Variants in DNAAF11 observed in about 807,000 individuals in gnomAD.
The protein encoded by DNAAF11 is dynein axonemal assembly factor 11.
A neutral mutation model predicts 60.8 loss-of-function variants in DNAAF11; 45 were observed. That is an observed-to-expected ratio of 0.74 (90% CI 0.58 to 0.95). The LOEUF (loss-of-function observed/expected upper bound fraction) is 0.95. Ranked by LOEUF, DNAAF11 falls within the 40% of genes least tolerant of loss-of-function variation. The pLI is 0.00. For missense variants in DNAAF11, 546 were observed against 546.2 expected (o/e 1.00, Z 0.00); for synonymous variants, 191 against 183.5 (o/e 1.04, Z -0.33).
At chr8:132,619,202 A>T (rs1819505738) in intron 7 of DNAAF11, among the ~76,000 whole-genome samples, 1 of 152,136 alleles carries the variant, frequency 6.6e-6, no homozygotes, top group African/African-American at 2.4e-5. Flanking sequence ...GCAAGAACAA[A>T]AAACCAAACA....
rs762081490 is a variant in DNAAF11, at chr8:132,637,956, T to C, written c.408A>G (p.Val136=). The C allele has an allele frequency of 3.0e-5, 48 of 1,608,974 alleles. No homozygotes were observed. The highest frequency in any genetic ancestry group is 3.8e-5 in the Non-Finnish European group (45 of 1,178,054). ...ATACCTTTAATTGTGGAAGAGTTGC[T>C]ACCACGAACTCCCTATAGTGGTCAA... is the stretch of plus-strand genomic sequence containing the variant. ...ASFDHYREFV[V]ATLPQLKWLD... is the part of the protein sequence containing the mutation. Residue 136 remains valine, a synonymous_variant, in exon 4 of 12, where the codon GTA becomes GTG. Coordinates refer to ENST00000620350, the MANE Select transcript of DNAAF11 (RefSeq NM_012472.6).
intron 7 of DNAAF11, among the ~76,000 whole-genome samples, chr8:132,619,403 C>A (rs1220570724): frequency 6.6e-6 from 1 of 151,906 alleles, no homozygotes; most frequent in Admixed American, 6.6e-5. Flanking sequence ...ACATATGTAA[C>A]TGACCTGCAC....
At chr8:132,665,305 G>A (rs1257003131) in intron 1 of DNAAF11, among the ~76,000 whole-genome samples, 2 of 151,832 alleles carry the variant, frequency 1.3e-5, no homozygotes, top group African/African-American at 4.8e-5. Flanking sequence ...TCATGCTTTT[G>A]AACAGGAAAG....
chr8:132,635,333 G>C (rs971154663), intron 4 of DNAAF11, among the ~76,000 whole-genome samples: 13 of 152,208 alleles, frequency 8.5e-5, no homozygotes, highest in African/African-American at 3.1e-4. Flanking sequence ...CTGAAGCAGA[G>C]AGAGGGACAC....
chr8:132,597,854 T>TG (rs1306238268), intron 10 of DNAAF11, among the ~76,000 whole-genome samples: 2 of 152,190 alleles, frequency 1.3e-5, no homozygotes, highest in East Asian at 1.9e-4. Context: ...TTAGTGGGGT[T>TG]GGGGGGGAAT....
intron 11 of DNAAF11, among the ~76,000 whole-genome samples, chr8:132,574,101 C>T (rs1313781359): frequency 2.6e-5 from 4 of 152,290 alleles, no homozygotes; most frequent in African/African-American, 9.6e-5. Context: ...CTCTCAGATG[C>T]CTCGGTGCCA....
the DNAAF11 span, among the ~76,000 whole-genome samples, chr8:132,696,831 C>G: frequency 6.6e-6 from 1 of 152,056 alleles, no homozygotes; most frequent in Non-Finnish European, 1.5e-5. Flanking sequence ...TAAGTGGGAA[C>G]TAAATGATGA....
At chr8:132,608,568 C>A (rs779739495) in intron 10 of DNAAF11, 1 of 418,420 alleles carries the variant, frequency 2.4e-6, no homozygotes, top group South Asian at 1.8e-5. Flanking sequence ...AAAAGATACA[C>A]AAATCATCTG....
intron 1 of DNAAF11, among the ~76,000 whole-genome samples, chr8:132,667,997 T>C (rs754808434): frequency 7.2e-5 from 11 of 152,174 alleles, no homozygotes; most frequent in Non-Finnish European, 1.3e-4. Context: ...AAACAACTCT[T>C]TTTTTCCTAC....
Position 132,610,075 on chromosome 8 carries a change from T to C in DNAAF11, c.1140+91A>G, listed in dbSNP as rs939155586. On this transcript the variant is annotated intron_variant, in intron 10 of 11. Coordinates refer to ENST00000620350, the MANE Select transcript of DNAAF11 (RefSeq NM_012472.6). ...TGGTGCTCCCAACTAAAATGTACTT[T>C]AATCAGAAGTCATCATTAGTCCTGA... The C allele has an allele frequency of 6.0e-6, 5 of 838,498 alleles. No homozygotes were observed. In the Admixed American group the frequency reaches 6.3e-5, roughly 11 times the overall value. The allele number at this position is 838,498 out of a possible 1,614,324, so 51.9% of individuals were successfully genotyped here.
chr8:132,638,353 T>A (rs1289416905), intron 3 of DNAAF11, among the ~76,000 whole-genome samples: 1 of 152,138 alleles, frequency 6.6e-6, no homozygotes, highest in Non-Finnish European at 1.5e-5. Flanking sequence ...GAAATCACTT[T>A]CCCTGCTCAC....
intron 5 of DNAAF11, among the ~76,000 whole-genome samples, chr8:132,631,586 A>G (rs908242742): frequency 6.6e-6 from 1 of 152,172 alleles, no homozygotes; most frequent in Non-Finnish European, 1.5e-5. Flanking sequence ...TAAGGGTATT[A>G]AAAATATGGA....
At chr8:132,679,553 C>T (rs1252681894), upstream of DNAAF11, among the ~76,000 whole-genome samples, 4 of 152,192 alleles carry the variant, frequency 2.6e-5, no homozygotes, top group Non-Finnish European at 5.9e-5. Context: ...AAGGTCTTGA[C>T]AGATTGTCCT....
In DNAAF11 at chr8:132,659,969, CCT is replaced by C. The variant is rs1249361859; in HGVS notation, c.178+1489_178+1490del. Among the ~76,000 whole-genome samples, 8 of 152,300 alleles carry C rather than the reference CCT, an allele frequency of 5.3e-5. No homozygotes were observed. In the East Asian group the frequency reaches 1.4e-3, roughly 26 times the overall value. On this transcript the variant is annotated intron_variant, in intron 2 of 11. Transcript: ENST00000620350. ...ATATCTCCAGACATTGCCAAATGCCCCTGTTGTGAACCACTGCACATCATCAC... is the reference window on the plus strand; with the variant it reads ...ATATCTCCAGACATTGCCAAATGCCCGTTGTGAACCACTGCACATCATCAC...
At chr8:132,592,869 C>T (rs772279029) in intron 10 of DNAAF11, among the ~76,000 whole-genome samples, 8 of 151,466 alleles carry the variant, frequency 5.3e-5, no homozygotes, top group South Asian at 2.1e-4. Flanking sequence ...TTCAAGTGGG[C>T]GGATGAAAGG....
intron 7 of DNAAF11, among the ~76,000 whole-genome samples, chr8:132,618,199 G>T (rs1184686630): frequency 6.7e-6 from 1 of 149,398 alleles, no homozygotes; most frequent in African/African-American, 2.4e-5. Flanking sequence ...AATGGGGAAA[G>T]GATTCCCTAT....
chr8:132,637,041 T>C (rs1586652624), intron 4 of DNAAF11, among the ~76,000 whole-genome samples: 1 of 152,168 alleles, frequency 6.6e-6, no homozygotes, highest in African/African-American at 2.4e-5. Context: ...AAACGTAACA[T>C]TGCTATCTTA....
At chr8:132,654,619 G>A (rs1198006220) in intron 3 of DNAAF11, among the ~76,000 whole-genome samples, 1 of 151,122 alleles carries the variant, frequency 6.6e-6, no homozygotes, top group Non-Finnish European at 1.5e-5. Flanking sequence ...TCAGTAAAAT[G>A]AGAAAATGTG....
chr8:132,653,887 A>G (rs1482311555), intron 3 of DNAAF11, among the ~76,000 whole-genome samples: 1 of 152,150 alleles, frequency 6.6e-6, no homozygotes, highest in East Asian at 1.9e-4. Flanking sequence ...CACATTGCAG[A>G]TAACAGACAC....
Sources: gnomAD v4.1 joint callset for allele counts (sites outside exome capture counted in the v4.1 genomes callset) on GRCh38, gnomAD v4.1.1 for gene constraint, MANE v1.5 for transcripts, NCBI Gene and HGNC (gene_info 2026-07-23, HGNC 2026-07-21) for gene names.